Variants in NCK1 observed in about 807,000 individuals in gnomAD.
NCK1 encodes NCK adaptor protein 1, also known as SH2/SH3 adapter protein NCK1.
Under a neutral mutation model 36.6 loss-of-function variants are expected in NCK1, and 19 were observed. The ratio of observed to expected loss-of-function variants is 0.52; its 90% CI spans 0.36 to 0.76. The LOEUF is 0.76. Ranked by LOEUF, NCK1 falls within the 30% of genes least tolerant of loss-of-function variation. The pLI, the probability that NCK1 is intolerant of heterozygous loss-of-function variation, is 0.00. For synonymous variants in NCK1, 165 were observed against 156.0 expected (o/e 1.06, Z -0.43); for missense variants, 358 against 445.6 (o/e 0.80, Z 1.77).
At chr3:136,937,836 T>A (rs1025612522) in intron 2 of NCK1, among the ~76,000 whole-genome samples, 4 of 152,164 alleles carry the variant, frequency 2.6e-5, no homozygotes, top group Non-Finnish European at 4.4e-5. Context: ...TGTGTGGGTG[T>A]GTGTGTATTC....
Position 136,928,156 on chromosome 3 carries a change from C to T in NCK1, c.155C>T (p.Pro52Leu). The T allele has an allele frequency of 6.2e-7, 1 of 1,614,140 alleles. No homozygotes were observed. The highest frequency in any genetic ancestry group is 8.5e-7 in the Non-Finnish European group (1 of 1,180,030). Residue 52 changes from proline to leucine, a missense_variant, in exon 2 of 4, where the codon CCT becomes CTT. Physicochemically the swap from Pro to Leu is moderately conservative, Grantham distance 98. This residue lies in a region of NCK1 where 143 missense variants were observed against 162.4 expected (regional missense o/e 0.88). Coordinates refer to ENST00000481752, the MANE Select transcript of NCK1 (RefSeq NM_001291999.2). Reference protein sequence around the residue: ...RNSMNKTGFVPSNYVERKNSA... With the variant: ...RNSMNKTGFVLSNYVERKNSA... The stretch of plus-strand genomic sequence containing the variant: ...TCCATGAATAAAACAGGTTTTGTGC[C>T]TTCTAACTATGTGGAAAGGAAAAAC...
At chr3:136,941,027 TAAGG>T (rs745960463) in intron 2 of NCK1, among the ~76,000 whole-genome samples, 10 of 152,216 alleles carry the variant, frequency 6.6e-5, no homozygotes, top group Non-Finnish European at 8.8e-5. Context: ...TTATATCTGA[TAAGG>T]AAGGATTTCT....
Position 136,928,200 on chromosome 3 carries a change from A to G in NCK1, c.199A>G (p.Ile67Val), listed in dbSNP as rs771451936. The G allele has an allele frequency of 5.5e-5, 88 of 1,613,608 alleles. No homozygotes were observed. Among genetic ancestry groups the G allele is most frequent in the Non-Finnish European group, 6.9e-5 (82 of 1,179,960 alleles). The change falls in exon 2 of 4, where the codon ATT (isoleucine) becomes GTT (valine). Residue 67 changes from isoleucine to valine, a missense_variant. Transcript: ENST00000481752. The part of the protein sequence containing the change: ...ERKNSARKAS[I>V]VKNLKDTLGI... ...GAAAAACAGTGCTCGGAAAGCATCTATTGTGAAAAACCTAAAGGATACCTT... is the reference window on the plus strand; with the variant it reads ...GAAAAACAGTGCTCGGAAAGCATCTGTTGTGAAAAACCTAAAGGATACCTT...
intron 1 of NCK1, chr3:136,899,432 T>TA (rs1398533177): frequency 2.8e-5 from 8 of 282,318 alleles, no homozygotes; most frequent in East Asian, 2.4e-4. Context: ...TTTTTTTTTT[T>TA]TAAATTTCTT....
intron 1 of NCK1, among the ~76,000 whole-genome samples, chr3:136,924,786 T>G (rs1422675565): frequency 1.3e-5 from 2 of 152,164 alleles, no homozygotes; most frequent in Non-Finnish European, 2.9e-5. Context: ...GTTCCATTAT[T>G]GGAACGCTAA....
At chr3:136,868,921 C>G (rs1365693024) in intron 1 of NCK1, among the ~76,000 whole-genome samples, 1 of 152,142 alleles carries the variant, frequency 6.6e-6, no homozygotes, top group Non-Finnish European at 1.5e-5. Flanking sequence ...ACCATCACTT[C>G]TTGTTGAGCA....
chr3:136,920,654 A>C (rs947794049), intron 1 of NCK1, among the ~76,000 whole-genome samples: 1 of 152,184 alleles, frequency 6.6e-6, no homozygotes, highest in African/African-American at 2.4e-5. Context: ...TCATCATCCT[A>C]TAATCTGAAG....
chr3:136,928,340 T>A, intron 2 of NCK1, 113 bp downstream of exon 2: 3 of 1,032,432 alleles, frequency 2.9e-6, no homozygotes, highest in Non-Finnish European at 4.2e-6. Context: ...AGGCAAGGGC[T>A]AGGTAAGTTT....
At chr3:136,894,266 A>G (rs1167788958) in intron 1 of NCK1, among the ~76,000 whole-genome samples, 2 of 152,146 alleles carry the variant, frequency 1.3e-5, no homozygotes, top group Non-Finnish European at 2.9e-5. Context: ...GGGATAGGAA[A>G]TCCACATGCC....
chr3:136,895,466 G>T (rs1425338031), intron 1 of NCK1, among the ~76,000 whole-genome samples: 2 of 151,568 alleles, frequency 1.3e-5, no homozygotes, highest in Non-Finnish European at 2.9e-5. Context: ...TAAAAAAAAG[G>T]TTTGTCAGAA....
At chr3:136,868,910 A>T (rs1576939097) in intron 1 of NCK1, among the ~76,000 whole-genome samples, 1 of 152,252 alleles carries the variant, frequency 6.6e-6, no homozygotes, top group South Asian at 2.1e-4. Context: ...ATCTGTCAGG[A>T]ACCATCACTT....
intron 1 of NCK1, among the ~76,000 whole-genome samples, chr3:136,869,699 G>C (rs554809423): frequency 6.6e-6 from 1 of 152,124 alleles, no homozygotes; most frequent in African/African-American, 2.4e-5. Context: ...TTATGTGTAC[G>C]TAACAATAGT....
At chr3:136,917,348 T>TTAAG (rs1294777444) in intron 1 of NCK1, among the ~76,000 whole-genome samples, 1 of 152,204 alleles carries the variant, frequency 6.6e-6, no homozygotes, top group Non-Finnish European at 1.5e-5. Context: ...TCTGTCCATG[T>TTAAG]TAAGCCTCAT....
intron 1 of NCK1, among the ~76,000 whole-genome samples, chr3:136,890,156 T>G (rs543450443): frequency 5.4e-4 from 83 of 152,318 alleles, no homozygotes; most frequent in African/African-American, 1.8e-3. Flanking sequence ...GGGAGGCAGC[T>G]GAGGCCCGGC....
At chr3:136,928,794 A>G (rs1940316013) in intron 2 of NCK1, 1 of 149,398 alleles carries the variant, frequency 6.7e-6, no homozygotes. Flanking sequence ...AGTGGAGCCC[A>G]CTTCACACTG....
chr3:136,904,381 G>T (rs926722338), intron 1 of NCK1, among the ~76,000 whole-genome samples: 1 of 152,052 alleles, frequency 6.6e-6, no homozygotes, highest in African/African-American at 2.4e-5. Flanking sequence ...TTGAACTCCT[G>T]GCCTCAAGTG....
Position 136,927,320 on chromosome 3 carries a change from C to T in NCK1, c.-18-664C>T, listed in dbSNP as rs115624759. ...CTCTGATAATATGTTAAAAATTGTC[C>T]TCTGTGGTAATGGGTTTGTCAAGAT... On this transcript the variant is annotated intron_variant, in intron 1 of 3. Transcript: ENST00000481752. Among the ~76,000 whole-genome samples, 1,136 of 152,198 alleles carry T rather than the reference C, an allele frequency of 7.5e-3. 19 individuals are homozygous for T. The highest frequency in any genetic ancestry group is 0.026 in the African/African-American group (1,081 of 41,534).
At chr3:136,888,650 A>G (rs1047678455) in intron 1 of NCK1, among the ~76,000 whole-genome samples, 6 of 151,914 alleles carry the variant, frequency 3.9e-5, no homozygotes, top group African/African-American at 1.2e-4. Flanking sequence ...GAGCCACCGC[A>G]CCCAGCCATA....
rs545193316 is a variant in NCK1 at position 136,909,661 on chromosome 3, A to G, written c.-18-18323A>G. On this transcript the variant is annotated intron_variant, in intron 1 of 3. Coordinates refer to ENST00000481752, the MANE Select transcript of NCK1 (RefSeq NM_001291999.2). ...CTTTTGTCTGATTATTCTACCCATT[A>G]TTGAGAGTCAGGTATTGAAGTTTCC... Among the ~76,000 whole-genome samples, 9 of 152,188 alleles carry G rather than the reference A, an allele frequency of 5.9e-5. No homozygotes were observed. The East Asian group carries it at 7.7e-4, about 13-fold the overall frequency.
Sources: allele counts gnomAD v4.1 joint callset (sites outside exome capture counted in the v4.1 genomes callset), GRCh38; gene constraint gnomAD v4.1.1; regional missense constraint gnomAD v4.1.1; transcripts MANE v1.5; gene names NCBI Gene and HGNC (gene_info 2026-07-23, HGNC 2026-07-21).